AFF3: variants seen among roughly 807,000 people sequenced by gnomAD.
AFF3 encodes the protein AF4/FMR2 family member 3.
In AFF3, 32 loss-of-function variants were observed where a neutral mutation model predicts 129.7. The ratio of observed to expected loss-of-function variants is 0.25; its 90% CI spans 0.19 to 0.33. The LOEUF is 0.33. AFF3 is among the 10% of genes least tolerant of loss of function. The pLI is 1.00. For missense variants in AFF3, 1,373 were observed against 1,592.0 expected (o/e 0.86, Z 2.34); for synonymous variants, 644 against 635.4 (o/e 1.01, Z -0.20).
chr2:99,759,838 G>A (rs1456528713), intron 8 of AFF3, among the ~76,000 whole-genome samples: 2 of 152,142 alleles, frequency 1.3e-5, no homozygotes, highest in African/African-American at 2.4e-5. Flanking sequence ...AAAATCAAGG[G>A]CGAATGGACT....
intron 11 of AFF3, among the ~76,000 whole-genome samples, chr2:99,724,640 C>T (rs973726293): frequency 6.6e-6 from 1 of 152,118 alleles, no homozygotes; most frequent in African/African-American, 2.4e-5. Flanking sequence ...ATCCTACCTA[C>T]CTAAAAAAGC....
At chr2:99,904,776 G>A (rs1157941958) in intron 7 of AFF3, among the ~76,000 whole-genome samples, 2 of 152,040 alleles carry the variant, frequency 1.3e-5, no homozygotes, top group East Asian at 1.9e-4. Flanking sequence ...AATGAGAATG[G>A]CCCGTTCCAT....
intron 10 of AFF3, among the ~76,000 whole-genome samples, chr2:99,736,568 T>A (rs1422041967): frequency 6.6e-6 from 1 of 152,120 alleles, no homozygotes; most frequent in Non-Finnish European, 1.5e-5. Flanking sequence ...CAATATTTGT[T>A]ATTGAATCAT....
intron 2 of AFF3, among the ~76,000 whole-genome samples, chr2:100,124,295 A>G (rs574676799): frequency 1.1e-4 from 17 of 152,220 alleles, no homozygotes; most frequent in Non-Finnish European, 2.2e-4. Context: ...CTTCAGACTT[A>G]AAAGGGTTTC....
chr2:99,853,252 A>G (rs1690279000), intron 7 of AFF3, among the ~76,000 whole-genome samples: 1 of 152,206 alleles, frequency 6.6e-6, no homozygotes, highest in African/African-American at 2.4e-5. Flanking sequence ...CCTGCTTGCA[A>G]TTTCTACTTC....
intron 24 of AFF3, among the ~76,000 whole-genome samples, chr2:99,553,074 T>C (rs1267248713): frequency 6.6e-6 from 1 of 152,130 alleles, no homozygotes; most frequent in Non-Finnish European, 1.5e-5. Flanking sequence ...GTAGCTGGGA[T>C]TACAGGCGAG....
chr2:99,769,839 A>G (rs777699185), intron 8 of AFF3, among the ~76,000 whole-genome samples: 1 of 152,104 alleles, frequency 6.6e-6, no homozygotes, highest in Non-Finnish European at 1.5e-5. Flanking sequence ...CTTTCTCCCA[A>G]ACAAATGGAG....
chr2:99,558,472 T>C (rs534460067), intron 22 of AFF3, among the ~76,000 whole-genome samples: 5 of 151,800 alleles, frequency 3.3e-5, no homozygotes, highest in Admixed American at 2.6e-4. Flanking sequence ...AATACAAAAT[T>C]AGCCAGGCGT....
intron 11 of AFF3, among the ~76,000 whole-genome samples, chr2:99,716,292 T>C (rs1233113928): frequency 1.3e-5 from 2 of 152,328 alleles, no homozygotes; most frequent in Middle Eastern, 3.4e-3. Flanking sequence ...GAGATGGTTA[T>C]TGTCTCTAGA....
chr2:100,131,442 A>C (rs1259884059), intron 1 of AFF3, among the ~76,000 whole-genome samples: 2 of 152,072 alleles, frequency 1.3e-5, no homozygotes, highest in East Asian at 3.9e-4. Context: ...AGAATAAATA[A>C]ACTTTTTTTA....
At chr2:99,763,261 C>G (rs1159156590) in intron 8 of AFF3, among the ~76,000 whole-genome samples, 1 of 152,230 alleles carries the variant, frequency 6.6e-6, no homozygotes, top group Non-Finnish European at 1.5e-5. Flanking sequence ...GGAAGTCACA[C>G]TTAAAACCTT....
intron 4 of AFF3, among the ~76,000 whole-genome samples, chr2:100,040,637 A>G (rs952678262): frequency 6.6e-6 from 1 of 152,138 alleles, no homozygotes; most frequent in African/African-American, 2.4e-5. Flanking sequence ...TGCCTATGAG[A>G]GCAAGGCAGA....
intron 4 of AFF3, among the ~76,000 whole-genome samples, chr2:100,078,809 C>T (rs1434624755): frequency 6.6e-6 from 1 of 152,134 alleles, no homozygotes; most frequent in Admixed American, 6.6e-5. Context: ...TAAGCACATG[C>T]TCCCATATAC....
chr2:99,959,339 C>CAAAAAAAAAAAAAAAA, intron 7 of AFF3, among the ~76,000 whole-genome samples: 1 of 66,936 alleles, frequency 1.5e-5, no homozygotes, highest in Non-Finnish European at 2.9e-5. Flanking sequence ...AAGAGTCTGC[C>CAAAAAAAAAAAAAAAA]AAAAAAAAAA....
chr2:100,048,573 A>G (rs935199864), intron 4 of AFF3, among the ~76,000 whole-genome samples: 1 of 152,240 alleles, frequency 6.6e-6, no homozygotes, highest in African/African-American at 2.4e-5. Context: ...ACTGCTTACA[A>G]AATACAACAG....
intron 2 of AFF3, among the ~76,000 whole-genome samples, chr2:100,121,072 G>A (rs373651392): frequency 1.3e-5 from 2 of 152,332 alleles, no homozygotes; most frequent in East Asian, 3.9e-4. Flanking sequence ...GGGACAGGAG[G>A]CAGAGAAATT....
chr2:99,698,515 C>T (rs1352738563), intron 11 of AFF3, among the ~76,000 whole-genome samples: 3 of 152,216 alleles, frequency 2.0e-5, no homozygotes, highest in East Asian at 1.9e-4. Flanking sequence ...CTTTGGGAAT[C>T]TGGCATTCTT....
At chr2:99,938,461 T>C (rs189840185) in intron 7 of AFF3, among the ~76,000 whole-genome samples, 1 of 149,992 alleles carries the variant, frequency 6.7e-6, no homozygotes, top group Non-Finnish European at 1.5e-5. Context: ...GATGATGATA[T>C]GATGTAATGG....
chr2:99,624,923 C>T (rs1682398860), intron 13 of AFF3, among the ~76,000 whole-genome samples: 1 of 152,160 alleles, frequency 6.6e-6, no homozygotes, highest in Admixed American at 6.5e-5. Context: ...TCCACCCTAC[C>T]GATTTCCAAA....
Sources: gnomAD v4.1 joint callset for allele counts (sites outside exome capture counted in the v4.1 genomes callset) on GRCh38, gnomAD v4.1.1 for gene constraint, MANE v1.5 for transcripts, NCBI Gene and HGNC (gene_info 2026-07-23, HGNC 2026-07-21) for gene names.